The following KALRN variants were observed in gnomAD, a reference collection of about 807,000 sequenced individuals.
KALRN encodes kalirin.
In KALRN, 70 loss-of-function variants were observed where a neutral mutation model predicts 353.7. The ratio of observed to expected loss-of-function variants is 0.20; its 90% CI spans 0.16 to 0.24. The LOEUF (loss-of-function observed/expected upper bound fraction) is 0.24. Ranked by LOEUF, KALRN falls within the 10% of genes least tolerant of loss-of-function variation. KALRN has a pLI of 1.00. For synonymous variants in KALRN, 1,391 were observed against 1,434.8 expected, an observed-to-expected ratio of 0.97 and a Z score of 0.69; for missense variants, 2,791 against 3,756.7, an observed-to-expected ratio of 0.74 and a Z score of 6.72.
rs1012405527 is a variant in KALRN, at chr3:124,208,858, C to T, written c.74-19132C>T. 3.3e-5 allele frequency among the ~76,000 whole-genome samples: 5 copies of T among 151,738 alleles called. No homozygotes were observed. In the South Asian group the frequency reaches 6.3e-4, roughly 19 times the overall value. ...GTACATGCCTGTAGTACCAGCTACT[C>T]GGGAGGTTGATGTGGGAGGATTGCT... On this transcript the variant is annotated intron_variant, in intron 1 of 59. Coordinates refer to ENST00000682506, the MANE Select transcript of KALRN (RefSeq NM_001388419.1).
At chr3:124,145,921 T>TTTAGGCAG (rs2067268243) in intron 1 of KALRN, among the ~76,000 whole-genome samples, 1 of 152,096 alleles carries the variant, frequency 6.6e-6, no homozygotes, top group African/African-American at 2.4e-5. Context: ...AGGGACAAAG[T>TTTAGGCAG]GTTCTCTTTA....
chr3:124,362,517 A>G (rs1217018989), intron 10 of KALRN, among the ~76,000 whole-genome samples: 1 of 152,260 alleles, frequency 6.6e-6, no homozygotes, highest in Non-Finnish European at 1.5e-5. Context: ...AGCTAGCCCA[A>G]GGTACTGCCC....
intron 11 of KALRN, among the ~76,000 whole-genome samples, chr3:124,393,025 G>A (rs942031767): frequency 3.3e-5 from 5 of 149,326 alleles, no homozygotes; most frequent in Non-Finnish European, 5.9e-5. Flanking sequence ...GAGTGCAGTG[G>A]CACAATCTCG....
At chr3:124,230,487 T>TA (rs2079019866) in intron 2 of KALRN, among the ~76,000 whole-genome samples, 1 of 152,218 alleles carries the variant, frequency 6.6e-6, no homozygotes, top group South Asian at 2.1e-4. Context: ...TTTTCCCATG[T>TA]AAATTCAGTC....
intron 1 of KALRN, among the ~76,000 whole-genome samples, chr3:124,170,831 CTTTTTTTTTTTTTTTTTTTTTTTTTTTTT>C: frequency 2.1e-5 from 1 of 47,148 alleles, no homozygotes; most frequent in Non-Finnish European, 3.9e-5. Context: ...CTTCCACATT[CTTTTTTTTTTTTTTTTTTTTTTTTTTTTT>C]TTTTTTTTTT....
chr3:124,247,070 G>A (rs1220880769), intron 3 of KALRN, among the ~76,000 whole-genome samples: 1 of 152,094 alleles, frequency 6.6e-6, no homozygotes, highest in African/African-American at 2.4e-5. Flanking sequence ...GATGTTTGGG[G>A]TTGAGTATGT....
intron 33 of KALRN, among the ~76,000 whole-genome samples, chr3:124,501,780 T>C (rs1477741990): frequency 2.6e-5 from 4 of 152,202 alleles, no homozygotes; most frequent in Non-Finnish European, 4.4e-5. Context: ...ACTTCGTTCA[T>C]GAACTGTGCA....
chr3:124,106,090 TTG>T (rs1219294105), intron 1 of KALRN, among the ~76,000 whole-genome samples: 1 of 152,062 alleles, frequency 6.6e-6, no homozygotes, highest in Non-Finnish European at 1.5e-5. Flanking sequence ...CAATAACAGC[TTG>T]TGATAAGTGC....
intron 57 of KALRN, among the ~76,000 whole-genome samples, chr3:124,703,846 T>C (rs1212026759): frequency 6.7e-6 from 1 of 149,648 alleles, no homozygotes; most frequent in Non-Finnish European, 1.5e-5. Flanking sequence ...TTTGTTGTTG[T>C]TTTGTAGAGA....
At chr3:124,560,338 C>T (rs1194820129) in intron 33 of KALRN, among the ~76,000 whole-genome samples, 1 of 152,218 alleles carries the variant, frequency 6.6e-6, no homozygotes, top group Non-Finnish European at 1.5e-5. Context: ...GAGCCCCTGG[C>T]GTGGTCGCAG....
intron 1 of KALRN, among the ~76,000 whole-genome samples, chr3:124,111,236 C>T (rs780827639): frequency 7.2e-5 from 11 of 152,102 alleles, no homozygotes; most frequent in Non-Finnish European, 1.5e-4. Flanking sequence ...AGATGGCTGC[C>T]GTAACTCCAT....
At chr3:124,113,620 G>A (rs939438129) in intron 1 of KALRN, among the ~76,000 whole-genome samples, 2 of 152,182 alleles carry the variant, frequency 1.3e-5, no homozygotes, top group Non-Finnish European at 2.9e-5. Context: ...CTGCAGGAGT[G>A]AAGCCATTGG....
chr3:124,203,702 T>G (rs1300824210), intron 1 of KALRN, among the ~76,000 whole-genome samples: 3 of 152,234 alleles, frequency 2.0e-5, no homozygotes, highest in Non-Finnish European at 4.4e-5. Flanking sequence ...TGTCTTCCAG[T>G]AACCTACCAA....
chr3:124,347,037 C>A, intron 9 of KALRN, 106 bp from the exon 10 acceptor site: 1 of 1,526,104 alleles, frequency 6.6e-7, no homozygotes, highest in Non-Finnish European at 8.9e-7. Context: ...TGCTTTACAA[C>A]TGGGATGGGA....
At chr3:124,276,435 G>T (rs1580373178) in intron 5 of KALRN, among the ~76,000 whole-genome samples, 1 of 152,058 alleles carries the variant, frequency 6.6e-6, no homozygotes, top group Non-Finnish European at 1.5e-5. Context: ...CCCAAAACAG[G>T]ACCCAAAGTC....
intron 1 of KALRN, among the ~76,000 whole-genome samples, chr3:124,065,253 A>G (rs141597686): frequency 6.4e-4 from 98 of 152,342 alleles, no homozygotes; most frequent in African/African-American, 2.2e-3. Flanking sequence ...GCAGCAGCAT[A>G]TGAGCCAACA....
chr3:124,055,983 T>A (rs2041501639), intron 1 of KALRN, among the ~76,000 whole-genome samples: 1 of 152,224 alleles, frequency 6.6e-6, no homozygotes, highest in Non-Finnish European at 1.5e-5. Context: ...ATTTCTGGGC[T>A]GTTGGATTTA....
At position 124,110,467 on chromosome 3, in the gene KALRN, G is replaced by A. The variant is rs549933547; in HGVS notation, c.73+76654G>A. ...GTATATATTTCATATATACACACGC[G>A]CGCACACACACACACACACACACAC... On this transcript the variant is annotated intron_variant, in intron 1 of 59. Transcript: ENST00000682506. Among the ~76,000 whole-genome samples, 340 of 54,246 alleles carry A rather than the reference G, an allele frequency of 6.3e-3. 4 individuals carry two copies. Among genetic ancestry groups the A allele is most frequent in the South Asian group, 0.051 (57 of 1,114 alleles). The allele number at this position is 54,246 out of a possible 152,430, so 35.6% of individuals were successfully genotyped here. A position where few individuals can be genotyped will look rare whatever the true frequency, so the allele number is the denominator to read the frequency against.
At chr3:124,115,434 C>T (rs767024091) in intron 1 of KALRN, among the ~76,000 whole-genome samples, 1 of 152,170 alleles carries the variant, frequency 6.6e-6, no homozygotes, top group Non-Finnish European at 1.5e-5. Flanking sequence ...TCCTGGCCTT[C>T]TCACGGGAGC....
Sources: gnomAD v4.1 joint callset for allele counts (sites outside exome capture counted in the v4.1 genomes callset) on GRCh38, gnomAD v4.1.1 for gene constraint, MANE v1.5 for transcripts, NCBI Gene and HGNC (gene_info 2026-07-23, HGNC 2026-07-21) for gene names.